The following KIF6 variants were observed in gnomAD, a reference collection of about 807,000 sequenced individuals.
The protein encoded by KIF6 is kinesin family member 6, also known as kinesin-like protein KIF6.
In KIF6, 106 loss-of-function variants were observed where a neutral mutation model predicts 112.7. The observed-to-expected ratio is 0.94, with a 90% CI of 0.80 to 1.11. The LOEUF (loss-of-function observed/expected upper bound fraction) is 1.11, where lower values mean the gene tolerates loss of function less well. Among genes scored for constraint, KIF6 ranks in the 50% least tolerant of loss-of-function variants. The pLI is 0.00. For missense variants in KIF6, 929 were observed against 964.0 expected (o/e 0.96, Z 0.48); for synonymous variants, 339 against 339.9 (o/e 1.00, Z 0.03).
At chr6:39,555,818 G>A (rs1310848845) in intron 10 of KIF6, among the ~76,000 whole-genome samples, 1 of 151,932 alleles carries the variant, frequency 6.6e-6, no homozygotes, top group African/African-American at 2.4e-5. Flanking sequence ...CCAGGTGGTA[G>A]CGGTGCATGC....
intron 3 of KIF6, among the ~76,000 whole-genome samples, chr6:39,705,021 T>C (rs1250254101): frequency 1.3e-5 from 2 of 152,226 alleles, no homozygotes; most frequent in Non-Finnish European, 2.9e-5. Context: ...AGGTAAATTA[T>C]AAACAAACAA....
At chr6:39,477,778 T>C in intron 13 of KIF6, among the ~76,000 whole-genome samples, 1 of 152,126 alleles carries the variant, frequency 6.6e-6, no homozygotes, top group East Asian at 1.9e-4. Flanking sequence ...GGAGAATGGC[T>C]TGATCCCGGG....
chr6:39,340,030 CTG>C (rs1389221566), intron 22 of KIF6, among the ~76,000 whole-genome samples: 1 of 152,170 alleles, frequency 6.6e-6, no homozygotes, highest in Non-Finnish European at 1.5e-5. Context: ...GGGCCCCGGC[CTG>C]TGTGTTTGCC....
At chr6:39,549,658 A>T (rs965544486) in intron 10 of KIF6, among the ~76,000 whole-genome samples, 7 of 152,222 alleles carry the variant, frequency 4.6e-5, no homozygotes, top group Non-Finnish European at 8.8e-5. Context: ...AAGAAGTGGG[A>T]AATAACTGAA....
At chr6:39,476,166 A>C (rs2150447744) in intron 13 of KIF6, among the ~76,000 whole-genome samples, 1 of 152,002 alleles carries the variant, frequency 6.6e-6, no homozygotes, top group East Asian at 1.9e-4. Context: ...TATGTAACAA[A>C]CCTGCACATC....
chr6:39,706,523 A>C (rs1217803163), intron 3 of KIF6, among the ~76,000 whole-genome samples: 1 of 152,220 alleles, frequency 6.6e-6, no homozygotes, highest in East Asian at 1.9e-4. Context: ...TAATCATAAG[A>C]CCATGTTCTC....
chr6:39,725,168 G>C, intron 1 of KIF6, 77 bp downstream of exon 1: 1 of 1,292,666 alleles, frequency 7.7e-7, no homozygotes, highest in Non-Finnish European at 1.1e-6. Context: ...CCTCCGCCCA[G>C]CCCCTTCGCG....
intron 13 of KIF6, among the ~76,000 whole-genome samples, chr6:39,464,232 G>T (rs1773656916): frequency 6.6e-6 from 1 of 152,150 alleles, no homozygotes; most frequent in South Asian, 2.1e-4. Context: ...AGCAGTGGAG[G>T]GTGATTATGT....
chr6:39,541,505 C>G (rs1280964306), intron 12 of KIF6, among the ~76,000 whole-genome samples: 1 of 152,216 alleles, frequency 6.6e-6, no homozygotes, highest in African/African-American at 2.4e-5. Context: ...TATCCATCGA[C>G]TCCATCGACT....
At chr6:39,535,379 A>C (rs1248521393) in intron 13 of KIF6, among the ~76,000 whole-genome samples, 170 of 152,198 alleles carry the variant, frequency 1.1e-3, no homozygotes, top group Non-Finnish European at 1.9e-3. Flanking sequence ...TCTACCAAGC[A>C]AATGGAAAAC....
chr6:39,432,368 G>A (rs1204471041), intron 13 of KIF6, among the ~76,000 whole-genome samples: 2 of 152,268 alleles, frequency 1.3e-5, no homozygotes, highest in African/African-American at 2.4e-5. Flanking sequence ...CTCACTCTGA[G>A]GCCAAGGGTT....
At chr6:39,587,415 C>T (rs903652725) in intron 7 of KIF6, among the ~76,000 whole-genome samples, 1 of 152,150 alleles carries the variant, frequency 6.6e-6, no homozygotes, top group Non-Finnish European at 1.5e-5. Context: ...GGGAGCATTG[C>T]TTTCTGAAGG....
intron 3 of KIF6, among the ~76,000 whole-genome samples, chr6:39,649,056 G>A (rs369432107): frequency 9.8e-4 from 148 of 151,632 alleles, no homozygotes; most frequent in African/African-American, 3.4e-3. Flanking sequence ...CTAGCTACTC[G>A]AGAGGCTAAG....
intron 3 of KIF6, among the ~76,000 whole-genome samples, chr6:39,686,293 T>C (rs1475088800): frequency 6.6e-6 from 1 of 152,268 alleles, no homozygotes; most frequent in Non-Finnish European, 1.5e-5. Flanking sequence ...CCTTGAAAAA[T>C]AGATGCAACC....
chr6:39,369,498 C>T (rs1172261032), intron 16 of KIF6, among the ~76,000 whole-genome samples: 1 of 152,180 alleles, frequency 6.6e-6, no homozygotes, highest in Middle Eastern at 3.2e-3. Context: ...CTGCTTGTAG[C>T]AAAACCCAGG....
chr6:39,624,321 T>C (rs1281033421), intron 5 of KIF6, among the ~76,000 whole-genome samples: 1 of 152,224 alleles, frequency 6.6e-6, no homozygotes, highest in Non-Finnish European at 1.5e-5. Context: ...AAATTGTTGG[T>C]ATACATGGTA....
At chr6:39,665,320 T>A (rs543397658) in intron 3 of KIF6, among the ~76,000 whole-genome samples, 1 of 152,192 alleles carries the variant, frequency 6.6e-6, no homozygotes. Flanking sequence ...TTTGCATACA[T>A]GCACAATGCT....
chr6:39,500,331 C>T (rs572015530), intron 13 of KIF6, among the ~76,000 whole-genome samples: 1 of 152,208 alleles, frequency 6.6e-6, no homozygotes, highest in Admixed American at 6.5e-5. Flanking sequence ...AAAAGAAAGT[C>T]CCCAGAGTCC....
chr6:39,336,319 G>A lies in KIF6; in HGVS notation c.*213C>T. The A allele has an allele frequency of 3.5e-6, 2 of 568,536 alleles. No individual in the cohort carries two copies. The highest frequency in any genetic ancestry group is 6.3e-6 in the Non-Finnish European group (2 of 318,980). The allele number at this position is 568,536 out of a possible 1,614,324, so 35.2% of individuals were successfully genotyped here. A position where few individuals can be genotyped will look rare whatever the true frequency, so the allele number is the denominator to read the frequency against. On this transcript the variant is annotated 3_prime_UTR_variant, in exon 23 of 23. Coordinates refer to ENST00000287152, the MANE Select transcript of KIF6 (RefSeq NM_145027.6). ...CTGCCAGCAGCTCCAGCAACCACAG[G>A]AAGGATGTTGTGGTCAGCCCCAGCC...
Sources: allele counts gnomAD v4.1 joint callset (sites outside exome capture counted in the v4.1 genomes callset), GRCh38; gene constraint gnomAD v4.1.1; transcripts MANE v1.5; gene names NCBI Gene and HGNC (gene_info 2026-07-23, HGNC 2026-07-21).